The following CNTN4 variants were observed in gnomAD, a reference collection of about 807,000 sequenced individuals.
CNTN4 encodes the protein contactin-4.
In CNTN4, 77 loss-of-function variants were observed where a neutral mutation model predicts 122.5. The observed-to-expected ratio is 0.63, with a 90% CI of 0.52 to 0.76. The LOEUF is 0.76. Among genes scored for constraint, CNTN4 ranks in the 30% least tolerant of loss-of-function variants. The pLI is 0.00. For missense variants in CNTN4, 1,256 were observed against 1,259.1 expected (o/e 1.00, Z 0.04); for synonymous variants, 512 against 447.0 (o/e 1.15, Z -1.83).
intron 16 of CNTN4, among the ~76,000 whole-genome samples, chr3:3,031,885 C>A (rs1485523822): frequency 6.6e-6 from 1 of 152,028 alleles, no homozygotes; most frequent in East Asian, 1.9e-4. Context: ...ACTTCGAACG[C>A]AAGAAAATAA....
chr3:2,264,438 G>T lies in CNTN4; in HGVS notation c.-144-74740G>T, dbSNP rs141600090. Among the ~76,000 whole-genome samples, 581 of 151,946 alleles carry T rather than the reference G, an allele frequency of 3.8e-3. 8 individuals carry two copies. The highest frequency in any genetic ancestry group is 0.013 in the African/African-American group (555 of 41,466). ...CTTCTTTTAAAAAATGTCTATTTGG[G>T]TCCTTTGCCTATTTTTTAATGACAT... On this transcript the variant is annotated intron_variant, in intron 2 of 24. Coordinates refer to ENST00000418658, the MANE Select transcript of CNTN4 (RefSeq NM_175607.3).
chr3:2,400,998 C>T (rs1317877865), intron 3 of CNTN4, among the ~76,000 whole-genome samples: 1 of 152,018 alleles, frequency 6.6e-6, no homozygotes, highest in East Asian at 1.9e-4. Context: ...CTTATTTTTA[C>T]ACATAAATAA....
At position 2,270,010 on chromosome 3, in the gene CNTN4, C is replaced by T. The variant is rs1389768740; in HGVS notation, c.-144-69168C>T. On this transcript the variant is annotated intron_variant, in intron 2 of 24. Coordinates refer to ENST00000418658, the MANE Select transcript of CNTN4 (RefSeq NM_175607.3). ...CAGGCCGGACTGCGGACTGCAGTGG[C>T]GCAATCTCGGCTCACTGCAAGCTCC... is the stretch of plus-strand genomic sequence containing the variant. 9.0e-5 allele frequency among the ~76,000 whole-genome samples: 9 copies of T among 99,686 alleles called. 4 individuals carry two copies. Among genetic ancestry groups the T allele is most frequent in the Non-Finnish European group, 2.1e-4 (9 of 43,624 alleles). The allele number at this position is 99,686 out of a possible 152,430, so 65.4% of individuals were successfully genotyped here.
Position 2,980,664 on chromosome 3 carries a change from A to G in CNTN4, c.1359-7681A>G, listed in dbSNP as rs541380184. On this transcript the variant is annotated intron_variant, in intron 13 of 24. Coordinates refer to ENST00000418658, the MANE Select transcript of CNTN4 (RefSeq NM_175607.3). ...AAAATTAAGGACACGGGCACACACA[A>G]GGAGTGAGTTTAGAGCCGAAGTTTA... 3.3e-5 allele frequency among the ~76,000 whole-genome samples: 5 copies of G among 152,322 alleles called. No individual in the cohort carries two copies. The South Asian group carries it at 1.0e-3, about 32-fold the overall frequency.
chr3:2,706,075 T>G (rs2149299666), intron 4 of CNTN4, among the ~76,000 whole-genome samples: 1 of 147,920 alleles, frequency 6.8e-6, no homozygotes, highest in African/African-American at 2.5e-5. Flanking sequence ...TTTAAAACAC[T>G]AAGTGTAAAG....
chr3:2,602,534 G>T (rs566730237), intron 4 of CNTN4, among the ~76,000 whole-genome samples: 1 of 152,210 alleles, frequency 6.6e-6, no homozygotes. Context: ...ACTTACAAGG[G>T]ATGTGAAGGA....
chr3:3,045,304 G>A (rs1481778599), intron 23 of CNTN4, among the ~76,000 whole-genome samples: 3 of 152,196 alleles, frequency 2.0e-5, no homozygotes, highest in African/African-American at 7.2e-5. Flanking sequence ...CACGGAGTTT[G>A]AGATCTGAGA....
intron 2 of CNTN4, among the ~76,000 whole-genome samples, chr3:2,124,988 C>A (rs183067856): frequency 9.6e-4 from 146 of 152,286 alleles, no homozygotes; most frequent in Non-Finnish European, 1.3e-4. Context: ...ACTTGCTTGA[C>A]AGATTTTTAA....
intron 3 of CNTN4, among the ~76,000 whole-genome samples, chr3:2,486,716 A>T (rs1013530178): frequency 1.3e-5 from 2 of 152,126 alleles, no homozygotes; most frequent in East Asian, 1.9e-4. Flanking sequence ...CATAAATTTT[A>T]TATATTTTCT....
intron 7 of CNTN4, among the ~76,000 whole-genome samples, chr3:2,846,930 G>C (rs2093466541): frequency 6.6e-6 from 1 of 152,110 alleles, no homozygotes; most frequent in Non-Finnish European, 1.5e-5. Flanking sequence ...TCAAGAGGTG[G>C]AGGCTGCAGC....
chr3:2,805,758 A>G (rs575147204), intron 6 of CNTN4, among the ~76,000 whole-genome samples: 1 of 152,262 alleles, frequency 6.6e-6, no homozygotes, highest in African/African-American at 2.4e-5. Context: ...TTATCCCGGA[A>G]GCTAAACTGA....
intron 2 of CNTN4, among the ~76,000 whole-genome samples, chr3:2,331,581 A>C (rs2043722787): frequency 1.3e-5 from 2 of 152,152 alleles, no homozygotes; most frequent in African/African-American, 2.4e-5. Flanking sequence ...AATGAAGTGC[A>C]CCTGATAGCA....
At chr3:2,778,143 A>G (rs1973684) in intron 6 of CNTN4, among the ~76,000 whole-genome samples, 10,288 of 112,312 alleles carry the variant, frequency 0.092, 1,429 homozygotes, top group Middle Eastern at 0.16. Flanking sequence ...GAACCCAGGA[A>G]GCGGAGCTTG....
intron 2 of CNTN4, among the ~76,000 whole-genome samples, chr3:2,173,630 A>T (rs2036609398): frequency 6.6e-6 from 1 of 152,198 alleles, no homozygotes; most frequent in East Asian, 1.9e-4. Context: ...TATGGCAAGT[A>T]TGATGTAGAG....
At chr3:2,921,005 G>A (rs1212878619) in intron 12 of CNTN4, among the ~76,000 whole-genome samples, 4 of 152,154 alleles carry the variant, frequency 2.6e-5, no homozygotes, top group Non-Finnish European at 5.9e-5. Context: ...GTTGTGTTGA[G>A]AGTCTCCTTG....
intron 6 of CNTN4, among the ~76,000 whole-genome samples, chr3:2,806,296 G>T (rs1305278335): frequency 6.6e-6 from 1 of 152,208 alleles, no homozygotes; most frequent in Non-Finnish European, 1.5e-5. Context: ...TAGAGCCACT[G>T]ATGTGCGTAT....
chr3:2,622,450 C>T (rs1462740569), intron 4 of CNTN4, among the ~76,000 whole-genome samples: 1 of 152,106 alleles, frequency 6.6e-6, no homozygotes, highest in African/African-American at 2.4e-5. Flanking sequence ...TGCCACCACG[C>T]CCAGCTAATT....
intron 4 of CNTN4, among the ~76,000 whole-genome samples, chr3:2,631,863 T>C (rs1576289798): frequency 1.2e-5 from 1 of 84,612 alleles, no homozygotes; most frequent in African/African-American, 6.2e-5. Context: ...ACCGTATCTC[T>C]ACAAAAAAAA....
intron 6 of CNTN4, among the ~76,000 whole-genome samples, chr3:2,796,821 T>TTCCCAAAGTAGTCA (rs1439696734): frequency 6.6e-6 from 1 of 152,222 alleles, no homozygotes; most frequent in Non-Finnish European, 1.5e-5. Context: ...TATTGCTGTA[T>TTCCCAAAGTAGTCA]TCCCAAAGTA....
Sources: gnomAD v4.1 joint callset for allele counts (sites outside exome capture counted in the v4.1 genomes callset) on GRCh38, gnomAD v4.1.1 for gene constraint, MANE v1.5 for transcripts, NCBI Gene and HGNC (gene_info 2026-07-23, HGNC 2026-07-21) for gene names.